The following RNLS variants were observed in gnomAD, a reference collection of about 807,000 sequenced individuals.
The protein encoded by RNLS is renalase.
Under a neutral mutation model 39.8 loss-of-function variants are expected in RNLS, and 39 were observed. The ratio of observed to expected loss-of-function variants is 0.98; its 90% CI spans 0.76 to 1.28. RNLS has a LOEUF of 1.28. Among genes scored for constraint, RNLS ranks in the 50% most tolerant of loss-of-function variants. The pLI, the probability that RNLS is intolerant of heterozygous loss-of-function variation, is 0.00. For missense variants in RNLS, 410 were observed against 413.3 expected (o/e 0.99, Z 0.07); for synonymous variants, 147 against 150.7 (o/e 0.98, Z 0.18).
chr10:88,294,803 G>A (rs775572907), intron 6 of RNLS, among the ~76,000 whole-genome samples: 5 of 152,070 alleles, frequency 3.3e-5, no homozygotes, highest in Non-Finnish European at 5.9e-5. Flanking sequence ...CAACAAAAAA[G>A]CTAATTCAAA....
At chr10:88,452,945 C>A (rs562224348) in intron 4 of RNLS, among the ~76,000 whole-genome samples, 1 of 152,264 alleles carries the variant, frequency 6.6e-6, no homozygotes, top group Non-Finnish European at 1.5e-5. Flanking sequence ...GGGCTCAAAA[C>A]CATGTCCAGA....
the RNLS span, among the ~76,000 whole-genome samples, chr10:88,260,500 C>T: frequency 0.028 from 4,261 of 152,258 alleles, 76 homozygotes; most frequent in African/African-American, 0.048. Flanking sequence ...AAATTGACCA[C>T]ATCAAAGAAC....
intron 2 of RNLS, 131 bp downstream of exon 2, chr10:88,582,071 A>G: frequency 8.7e-6 from 6 of 688,822 alleles, no homozygotes; most frequent in Non-Finnish European, 1.4e-5. Flanking sequence ...CTTCTTCCAT[A>G]ACACCAACAT....
rs1273100332 is a variant in RNLS at position 88,439,747 on chromosome 10, C to T, written c.527-77022G>A. Among the ~76,000 whole-genome samples, 3 of 152,188 alleles carry T rather than the reference C, an allele frequency of 2.0e-5. No homozygotes were observed. The East Asian group carries it at 5.8e-4, about 29-fold the overall frequency. On this transcript the variant is annotated intron_variant, in intron 4 of 6. Transcript: ENST00000331772. ...CCCAAAGTGACAGATGAAACTCAGA[C>T]ACAGGTTTCCCAGCTCTGAGTCCAG...
chr10:88,207,126 A>T, the RNLS span, among the ~76,000 whole-genome samples: 1 of 152,172 alleles, frequency 6.6e-6, no homozygotes, highest in Non-Finnish European at 1.5e-5. Context: ...TTAGACAAAG[A>T]TTTCTTAGAT....
chr10:88,189,981 C>A, the RNLS span, among the ~76,000 whole-genome samples: 1 of 152,206 alleles, frequency 6.6e-6, no homozygotes, highest in South Asian at 2.1e-4. Flanking sequence ...AGAACCATGA[C>A]TCCTTCTTGG....
At chr10:88,332,599 T>C (rs753424659) in intron 5 of RNLS, among the ~76,000 whole-genome samples, 7 of 152,192 alleles carry the variant, frequency 4.6e-5, no homozygotes, top group Non-Finnish European at 1.0e-4. Context: ...AAAGAAGTGA[T>C]AGGAGAAGGT....
At chr10:88,459,224 C>T (rs569025278) in intron 4 of RNLS, among the ~76,000 whole-genome samples, 2 of 150,836 alleles carry the variant, frequency 1.3e-5, no homozygotes, top group South Asian at 2.1e-4. Flanking sequence ...TAAGGACTTT[C>T]TCTCATTCAT....
chr10:88,325,250 C>T (rs906483399), intron 5 of RNLS, among the ~76,000 whole-genome samples: 4 of 152,098 alleles, frequency 2.6e-5, no homozygotes, highest in African/African-American at 9.7e-5. Context: ...ATTTGCATTC[C>T]CACCAGAAAT....
Position 88,579,164 on chromosome 10 carries a change from G to T in RNLS, c.367+2403C>A, listed in dbSNP as rs117950997. 5.0e-3 allele frequency among the ~76,000 whole-genome samples: 764 copies of T among 152,184 alleles called. 2 individuals are homozygous for T. The highest frequency in any genetic ancestry group is 5.9e-3 in the Non-Finnish European group (401 of 68,002). The stretch of plus-strand genomic sequence containing the variant: ...GGACAGCTCTGCAGCAATATGATTG[G>T]ACAAAGGGTTATATCTATGGCTAAC... On this transcript the variant is annotated intron_variant, in intron 3 of 6. Transcript: ENST00000331772.
intron 4 of RNLS, among the ~76,000 whole-genome samples, chr10:88,559,413 C>T (rs1453587305): frequency 4.6e-5 from 7 of 152,018 alleles, no homozygotes; most frequent in African/African-American, 1.7e-4. Flanking sequence ...AACTAAGACC[C>T]CTGTCATTTG....
chr10:88,229,435 G>C, the RNLS span, among the ~76,000 whole-genome samples: 19 of 152,288 alleles, frequency 1.2e-4, no homozygotes, highest in South Asian at 3.5e-3. Context: ...CTGTTTAAGA[G>C]TGGCAGAAGC....
At chr10:88,533,519 C>T (rs1243446344) in intron 4 of RNLS, among the ~76,000 whole-genome samples, 1 of 152,080 alleles carries the variant, frequency 6.6e-6, no homozygotes, top group South Asian at 2.1e-4. Flanking sequence ...CAATTTTAGT[C>T]CATAAGCACT....
At chr10:88,182,134 T>A in the RNLS span, among the ~76,000 whole-genome samples, 1 of 152,122 alleles carries the variant, frequency 6.6e-6, no homozygotes, top group South Asian at 2.1e-4. Context: ...ACATTAGAGT[T>A]GGTGAGAGGC....
intron 4 of RNLS, among the ~76,000 whole-genome samples, chr10:88,483,610 A>T (rs1325540370): frequency 6.6e-6 from 1 of 152,042 alleles, no homozygotes. Flanking sequence ...GGTACTCTTA[A>T]TTATTTCTTC....
intron 6 of RNLS, among the ~76,000 whole-genome samples, chr10:88,300,343 C>T (rs894241882): frequency 1.3e-5 from 2 of 152,168 alleles, no homozygotes; most frequent in African/African-American, 2.4e-5. Context: ...TGTGAATTAT[C>T]ATGGTATACA....
intron 4 of RNLS, among the ~76,000 whole-genome samples, chr10:88,382,163 G>GT (rs1293203201): frequency 6.6e-6 from 1 of 152,000 alleles, no homozygotes; most frequent in Non-Finnish European, 1.5e-5. Context: ...ACGTTGTACT[G>GT]TGACATCTTA....
At chr10:88,292,726 T>A (rs943971559) in intron 6 of RNLS, among the ~76,000 whole-genome samples, 5 of 152,092 alleles carry the variant, frequency 3.3e-5, no homozygotes, top group Admixed American at 3.3e-4. Flanking sequence ...CCCTTGTATT[T>A]TGATACTCAC....
chr10:88,269,000 AC>A (rs1455711431), downstream of RNLS, among the ~76,000 whole-genome samples: 1 of 152,150 alleles, frequency 6.6e-6, no homozygotes, highest in African/African-American at 2.4e-5. Flanking sequence ...CTCAAATAAA[AC>A]CTCTGGAAAG....
Sources: allele counts gnomAD v4.1 joint callset (sites outside exome capture counted in the v4.1 genomes callset), GRCh38; gene constraint gnomAD v4.1.1; transcripts MANE v1.5; gene names NCBI Gene and HGNC (gene_info 2026-07-23, HGNC 2026-07-21).